The following BMPR1A variants were observed in gnomAD, a reference collection of about 807,000 sequenced individuals.
The protein encoded by BMPR1A is bone morphogenetic protein receptor type-1A.
A neutral mutation model predicts 66.0 loss-of-function variants in BMPR1A; 7 were observed. The ratio of observed to expected loss-of-function variants is 0.11; its 90% CI spans 0.06 to 0.20. BMPR1A has a LOEUF of 0.20. Among genes scored for constraint, BMPR1A ranks in the 10% least tolerant of loss-of-function variants. The pLI is 1.00. For missense variants in BMPR1A, 408 were observed against 669.1 expected (o/e 0.61, Z 4.31); for synonymous variants, 200 against 229.7 (o/e 0.87, Z 1.17).
intron 4 of BMPR1A, among the ~76,000 whole-genome samples, chr10:86,891,533 G>A (rs1331766317): frequency 6.6e-6 from 1 of 151,902 alleles, no homozygotes; most frequent in East Asian, 1.9e-4. Flanking sequence ...ATATATTAAG[G>A]GGAAACTCCA....
At chr10:86,774,962 A>G (rs893723314) in intron 1 of BMPR1A, among the ~76,000 whole-genome samples, 1 of 152,252 alleles carries the variant, frequency 6.6e-6, no homozygotes, top group Non-Finnish European at 1.5e-5. Context: ...TAGCAAACCC[A>G]ACGGGTAAAA....
intron 1 of BMPR1A, among the ~76,000 whole-genome samples, chr10:86,761,130 A>G (rs1841049734): frequency 6.6e-6 from 1 of 152,202 alleles, no homozygotes; most frequent in Admixed American, 6.5e-5. Context: ...GCATAGGGAG[A>G]TCAGATGATC....
At chr10:86,889,905 CTGTT>C (rs1289647465) in intron 3 of BMPR1A, among the ~76,000 whole-genome samples, 153 bp from the exon 4 acceptor site, 2 of 152,282 alleles carry the variant, frequency 1.3e-5, no homozygotes, top group East Asian at 1.9e-4. Flanking sequence ...TAATGTATGT[CTGTT>C]TGTTGTATGA....
chr10:86,784,426 A>G (rs1020221359), intron 1 of BMPR1A, among the ~76,000 whole-genome samples: 38 of 152,188 alleles, frequency 2.5e-4, no homozygotes, highest in Non-Finnish European at 3.5e-4. Context: ...GTGTTGAGCC[A>G]TCCTTGCATC....
intron 8 of BMPR1A, among the ~76,000 whole-genome samples, chr10:86,913,526 C>T (rs1373030003): frequency 4.6e-5 from 7 of 152,010 alleles, no homozygotes; most frequent in African/African-American, 9.7e-5. Context: ...TGATTGTTTA[C>T]GTAGAAAATC....
intron 7 of BMPR1A, among the ~76,000 whole-genome samples, chr10:86,902,423 G>C (rs1843325737): frequency 6.6e-6 from 1 of 151,738 alleles, no homozygotes; most frequent in African/African-American, 2.4e-5. Context: ...TTTCACTGTG[G>C]TGTGTCTTGA....
downstream of BMPR1A, chr10:86,931,290 C>T (rs1416247858): frequency 1.2e-5 from 1 of 86,678 alleles, no homozygotes; most frequent in African/African-American, 9.6e-5. Flanking sequence ...TACACACACA[C>T]ACACACACAT....
intron 2 of BMPR1A, among the ~76,000 whole-genome samples, chr10:86,862,978 CTT>C (rs11405359): frequency 1.4e-4 from 20 of 139,858 alleles, no homozygotes; most frequent in African/African-American, 2.8e-4. Context: ...TTTGAGCTGC[CTT>C]TTTTTTTTTT....
intron 1 of BMPR1A, among the ~76,000 whole-genome samples, chr10:86,821,229 A>G (rs1842115970): frequency 6.6e-6 from 1 of 152,202 alleles, no homozygotes; most frequent in Non-Finnish European, 1.5e-5. Context: ...ACCTGAAGGA[A>G]GTTACTCCTC....
chr10:86,870,758 ACTATACCACTGCCACC>A (rs1461804641), intron 2 of BMPR1A, among the ~76,000 whole-genome samples: 2 of 151,144 alleles, frequency 1.3e-5, no homozygotes, highest in Non-Finnish European at 2.9e-5. Context: ...GAGTCCATCC[ACTATACCACTGCCACC>A]CTATTCTTTT....
intron 1 of BMPR1A, among the ~76,000 whole-genome samples, chr10:86,763,579 T>C (rs991873677): frequency 2.6e-5 from 4 of 152,170 alleles, no homozygotes; most frequent in Admixed American, 6.5e-5. Flanking sequence ...TTCTGACTTT[T>C]GGCTGAAGAA....
intron 2 of BMPR1A, among the ~76,000 whole-genome samples, chr10:86,842,095 C>T (rs950500633): frequency 3.3e-5 from 5 of 152,132 alleles, no homozygotes; most frequent in Admixed American, 6.5e-5. Context: ...GTCAGAAGCA[C>T]AGGTAAAATA....
intron 1 of BMPR1A, among the ~76,000 whole-genome samples, chr10:86,786,272 A>G (rs1311682316): frequency 6.6e-6 from 1 of 152,046 alleles, no homozygotes; most frequent in African/African-American, 2.4e-5. Flanking sequence ...AACTTCTCTG[A>G]ACTCCATTTT....
chr10:86,874,697 GC>G (rs1564710145), intron 2 of BMPR1A, among the ~76,000 whole-genome samples: 1 of 141,316 alleles, frequency 7.1e-6, no homozygotes, highest in Non-Finnish European at 1.5e-5. Context: ...GTGAGTCACT[GC>G]ACCCGACCTT....
chr10:86,804,144 A>G (rs918408893), intron 1 of BMPR1A, among the ~76,000 whole-genome samples: 18 of 152,204 alleles, frequency 1.2e-4, no homozygotes, highest in Non-Finnish European at 2.5e-4. Flanking sequence ...TTTAAAATAT[A>G]TCATCTTTAA....
intron 1 of BMPR1A, among the ~76,000 whole-genome samples, chr10:86,830,161 A>T (rs1402659433): frequency 6.6e-6 from 1 of 152,170 alleles, no homozygotes; most frequent in Admixed American, 6.5e-5. Context: ...TTTCTGCCTA[A>T]ACTGACCGTA....
At chr10:86,778,830 G>T (rs1454567125) in intron 1 of BMPR1A, among the ~76,000 whole-genome samples, 1 of 151,436 alleles carries the variant, frequency 6.6e-6, no homozygotes, top group Non-Finnish European at 1.5e-5. Flanking sequence ...AGAACATGTG[G>T]TGATTAACTT....
intron 1 of BMPR1A, among the ~76,000 whole-genome samples, chr10:86,809,623 T>C (rs1281944257): frequency 6.8e-6 from 1 of 146,026 alleles, no homozygotes; most frequent in African/African-American, 2.6e-5. Context: ...CTCTTTTTTC[T>C]TTTTTTAAGA....
At position 86,900,202 on chromosome 10, in the gene BMPR1A, C is replaced by T. The variant is rs1843289996; in HGVS notation, c.530+76C>T. 2.2e-6 allele frequency: 3 copies of T among 1,392,524 alleles called. No individual in the cohort carries two copies. The South Asian group carries it at 3.5e-5, about 16-fold the overall frequency. The allele number at this position is 1,392,524 out of a possible 1,614,324, so 86.3% of individuals were successfully genotyped here. A position where few individuals can be genotyped will look rare whatever the true frequency, so the allele number is the denominator to read the frequency against. The stretch of plus-strand genomic sequence containing the variant: ...CAACCGCTGTTTGTAAAGCCAGTTG[C>T]AGAAACCATTAACTTGTATTCTCTG... On this transcript the variant is annotated intron_variant, in intron 7 of 12. Transcript: ENST00000372037.
Sources: allele counts gnomAD v4.1 joint callset (sites outside exome capture counted in the v4.1 genomes callset), GRCh38; gene constraint gnomAD v4.1.1; transcripts MANE v1.5; gene names NCBI Gene and HGNC (gene_info 2026-07-23, HGNC 2026-07-21).